TRPC5: variants seen among roughly 807,000 people sequenced by gnomAD.
TRPC5 encodes the protein short transient receptor potential channel 5.
A neutral mutation model predicts 56.5 loss-of-function variants in TRPC5; 9 were observed. The observed-to-expected ratio is 0.16, with a 90% CI of 0.10 to 0.28. TRPC5 has a LOEUF of 0.28. TRPC5 is among the 10% of genes least tolerant of loss of function. The pLI is 1.00. For missense variants in TRPC5, 469 were observed against 748.9 expected (o/e 0.63, Z 4.36); for synonymous variants, 282 against 278.5 (o/e 1.01, Z -0.13).
At chrX:111,884,919 A>G (rs890057839) in intron 3 of TRPC5, among the ~76,000 whole-genome samples, 1 of 112,625 alleles carries the variant, frequency 8.9e-6, no homozygotes, top group African/African-American at 3.2e-5. Flanking sequence ...GTCAGACTTT[A>G]GTTAAGTTCT....
At position 111,853,858 on chromosome X, in the gene TRPC5, CAGG is replaced by C; in HGVS notation, c.1146_1148del (p.Leu383del). ...CTGTCCTGACAATGTGCTGAGAAGC[CAGG>C]AGAAGCATAAAGAGGAAGGTCAAAT... On this transcript the variant is annotated inframe_deletion, in exon 4 of 11. Coordinates refer to ENST00000262839, the MANE Select transcript of TRPC5 (RefSeq NM_012471.3). 3 of 1,211,715 alleles carry C rather than the reference CAGG, an allele frequency of 2.5e-6. No individual in the cohort carries two copies. Among genetic ancestry groups the C allele is most frequent in the Non-Finnish European group, 3.3e-6 (3 of 895,525 alleles).
chrX:112,018,816 T>C (rs188837832), intron 1 of TRPC5, among the ~76,000 whole-genome samples: 255 of 112,155 alleles, frequency 2.3e-3, no homozygotes, highest in South Asian at 6.4e-3. Context: ...CTCATCTGGG[T>C]TCAAGGCCTC....
intron 1 of TRPC5, among the ~76,000 whole-genome samples, chrX:112,074,528 C>T (rs1040505741): frequency 2.7e-5 from 3 of 110,609 alleles, no homozygotes; most frequent in Admixed American, 9.7e-5. Flanking sequence ...CAAATCCTTT[C>T]GTATCTTCCT....
intron 7 of TRPC5, among the ~76,000 whole-genome samples, chrX:111,822,776 G>A (rs777104200): frequency 1.8e-5 from 2 of 112,269 alleles, no homozygotes; most frequent in South Asian, 7.6e-4. Context: ...GAATGAAAGA[G>A]TAAAGGACAT....
At chrX:112,009,189 G>A (rs1435009800) in intron 1 of TRPC5, among the ~76,000 whole-genome samples, 1 of 111,920 alleles carries the variant, frequency 8.9e-6, no homozygotes, top group Non-Finnish European at 1.9e-5. Flanking sequence ...CTGCAGAAGA[G>A]AACCTAGCTG....
chrX:112,001,500 C>T (rs992570883), intron 1 of TRPC5, among the ~76,000 whole-genome samples: 4 of 112,193 alleles, frequency 3.6e-5, no homozygotes, highest in Admixed American at 9.5e-5. Context: ...GGACTCACAC[C>T]TGTATTCCTA....
intron 7 of TRPC5, among the ~76,000 whole-genome samples, chrX:111,825,127 TTTCC>T (rs1161308680): frequency 0.011 from 990 of 86,648 alleles, 29 homozygotes; most frequent in Non-Finnish European, 0.014. Flanking sequence ...TTTTCTTTCT[TTTCC>T]TTCCTTCCTT....
chrX:111,950,052 C>A (rs758523431), intron 2 of TRPC5, among the ~76,000 whole-genome samples: 3 of 111,443 alleles, frequency 2.7e-5, no homozygotes, highest in African/African-American at 9.8e-5. Flanking sequence ...TGGCTGGGCG[C>A]GGTGGCTCAC....
chrX:111,968,972 TAATAA>T (rs574801408), intron 1 of TRPC5, among the ~76,000 whole-genome samples: 2,864 of 93,445 alleles, frequency 0.031, 79 homozygotes, highest in African/African-American at 0.072. Flanking sequence ...ACTTAAAGTA[TAATAA>T]AATAAAATAA....
At chrX:111,956,618 C>G (rs536876520) in intron 1 of TRPC5, among the ~76,000 whole-genome samples, 1 of 110,876 alleles carries the variant, frequency 9.0e-6, no homozygotes, top group South Asian at 3.8e-4. Flanking sequence ...GTGGGCTGGT[C>G]GTGGGAAAGT....
intron 3 of TRPC5, among the ~76,000 whole-genome samples, chrX:111,860,604 T>C (rs1320639075): frequency 8.9e-6 from 1 of 112,094 alleles, no homozygotes; most frequent in African/African-American, 3.2e-5. Context: ...AATGTCCAGT[T>C]TGGATACAGT....
intron 1 of TRPC5, among the ~76,000 whole-genome samples, chrX:111,992,834 C>T (rs1046665334): frequency 1.0e-4 from 11 of 110,210 alleles, no homozygotes; most frequent in Non-Finnish European, 1.7e-4. Flanking sequence ...AACTCCTGAC[C>T]TCAAGTGATT....
At chrX:111,909,731 A>G (rs781228725) in intron 3 of TRPC5, among the ~76,000 whole-genome samples, 125 of 111,429 alleles carry the variant, frequency 1.1e-3, no homozygotes, top group Non-Finnish European at 2.2e-3. Context: ...ATAGTAGCAT[A>G]AAGATATTGT....
chrX:111,963,937 G>A (rs1029564014), intron 1 of TRPC5, among the ~76,000 whole-genome samples: 2 of 112,203 alleles, frequency 1.8e-5, no homozygotes, highest in Non-Finnish European at 3.8e-5. Context: ...CCAAAGGAAC[G>A]CAGCTCCTCA....
intron 3 of TRPC5, among the ~76,000 whole-genome samples, chrX:111,877,897 C>T (rs763200044): frequency 5.4e-5 from 6 of 110,664 alleles, no homozygotes; most frequent in East Asian, 2.9e-4. Context: ...CAATAAAGAG[C>T]GAAATTTTTA....
chrX:111,796,988 TCTTTA>T (rs1217157571), intron 7 of TRPC5, among the ~76,000 whole-genome samples: 2 of 112,604 alleles, frequency 1.8e-5, no homozygotes, highest in African/African-American at 6.4e-5. Flanking sequence ...AAAATCTCTT[TCTTTA>T]CTTGCACATG....
chrX:111,957,553 C>T (rs1369448275), intron 1 of TRPC5, among the ~76,000 whole-genome samples: 1 of 111,675 alleles, frequency 9.0e-6, no homozygotes, highest in African/African-American at 3.3e-5. Flanking sequence ...TTTTTAAGGT[C>T]ACGCAGCTAG....
intron 1 of TRPC5, among the ~76,000 whole-genome samples, chrX:112,080,395 T>TACACACACAC (rs201063739): frequency 1.7e-3 from 136 of 79,168 alleles, no homozygotes; most frequent in African/African-American, 2.2e-3. Context: ...AAAAACTACA[T>TACACACACAC]ACACACACAC....
chrX:111,899,922 C>T (rs1368023668), intron 3 of TRPC5, among the ~76,000 whole-genome samples: 1 of 111,096 alleles, frequency 9.0e-6, no homozygotes, highest in Admixed American at 9.6e-5. Flanking sequence ...AAAATTGCCT[C>T]CAACAAAATC....
Sources: gnomAD v4.1 joint callset for allele counts (sites outside exome capture counted in the v4.1 genomes callset) on GRCh38, gnomAD v4.1.1 for gene constraint, MANE v1.5 for transcripts, NCBI Gene and HGNC (gene_info 2026-07-23, HGNC 2026-07-21) for gene names.